The following LAMA2 variants were observed in gnomAD, a reference collection of about 807,000 sequenced individuals.
LAMA2 encodes the protein laminin subunit alpha 2.
A neutral mutation model predicts 364.8 loss-of-function variants in LAMA2; 269 were observed. That is an observed-to-expected ratio of 0.74 (90% CI 0.67 to 0.82). The LOEUF (loss-of-function observed/expected upper bound fraction) is 0.82. Ranked by LOEUF, LAMA2 falls within the 40% of genes least tolerant of loss-of-function variation. The pLI, the probability that LAMA2 is intolerant of heterozygous loss-of-function variation, is 0.00. For synonymous variants in LAMA2, 1,379 were observed against 1,370.6 expected (o/e 1.01, Z -0.14); for missense variants, 3,807 against 3,873.2 (o/e 0.98, Z 0.45).
intron 12 of LAMA2, among the ~76,000 whole-genome samples, chr6:129,225,857 G>C (rs1225954921): frequency 6.6e-6 from 1 of 152,112 alleles, no homozygotes; most frequent in Non-Finnish European, 1.5e-5. Flanking sequence ...GGTCCACTTG[G>C]TGCAGAGCTG....
chr6:129,181,097 C>A (rs899558693), intron 10 of LAMA2, among the ~76,000 whole-genome samples: 1 of 152,018 alleles, frequency 6.6e-6, no homozygotes, highest in Non-Finnish European at 1.5e-5. Context: ...TGTGTAGGAC[C>A]GAATCCCCAA....
chr6:129,352,059 C>T (rs1423928547), intron 31 of LAMA2, among the ~76,000 whole-genome samples: 1 of 152,176 alleles, frequency 6.6e-6, no homozygotes, highest in Non-Finnish European at 1.5e-5. Flanking sequence ...CTCTCAACTT[C>T]CTCACATACT....
At chr6:129,230,716 T>G (rs559593967) in intron 12 of LAMA2, among the ~76,000 whole-genome samples, 2 of 152,220 alleles carry the variant, frequency 1.3e-5, no homozygotes, top group African/African-American at 2.4e-5. Context: ...TACTATGAGT[T>G]TCTTCAGATG....
At chr6:129,482,829 G>C (rs9885712) in intron 55 of LAMA2, among the ~76,000 whole-genome samples, 1 of 152,098 alleles carries the variant, frequency 6.6e-6, no homozygotes, top group Non-Finnish European at 1.5e-5. Context: ...GGGAGGCCAA[G>C]GTGGGTAGAT....
intron 27 of LAMA2, among the ~76,000 whole-genome samples, chr6:129,319,276 ATTGAATGGGGAATGACCTT>A (rs1485130583): frequency 2.6e-5 from 4 of 152,218 alleles, no homozygotes; most frequent in South Asian, 4.1e-4. Context: ...GTACGAAATA[ATTGAATGGGGAATGACCTT>A]GGGTTGTCTG....
At chr6:129,497,330 C>T (rs142972246) in intron 58 of LAMA2, among the ~76,000 whole-genome samples, 1 of 152,234 alleles carries the variant, frequency 6.6e-6, no homozygotes, top group East Asian at 1.9e-4. Context: ...CTTAACCTCC[C>T]AGGCTCAGGC....
At chr6:129,420,443 T>A (rs1361847559) in intron 40 of LAMA2, among the ~76,000 whole-genome samples, 5 of 10,176 alleles carry the variant, frequency 4.9e-4, no homozygotes, top group Admixed American at 1.5e-3. Flanking sequence ...AAAATATTTT[T>A]AATTTAAAAT....
At chr6:129,158,257 G>C (rs1464533253) in intron 8 of LAMA2, 1 of 1,614,054 alleles carries the variant, frequency 6.2e-7, no homozygotes, top group Non-Finnish European at 8.5e-7. Flanking sequence ...ATGAAACCAA[G>C]TATGTTTTCA....
intron 1 of LAMA2, among the ~76,000 whole-genome samples, chr6:128,985,060 C>A: frequency 6.6e-6 from 1 of 152,070 alleles, no homozygotes; most frequent in Non-Finnish European, 1.5e-5. Flanking sequence ...AATACAGTGT[C>A]TGATAAGTAC....
rs538213957 is a variant in LAMA2, at chr6:129,250,196, C to G, written c.1867C>G (p.Leu623Val). The G allele has an allele frequency of 1.3e-6, 2 of 1,585,040 alleles. No homozygotes were observed. Among genetic ancestry groups the G allele is most frequent in the African/African-American group, 2.7e-5 (2 of 73,788 alleles). ...EEEDTERVLQLMIILEGNDLS... is the reference protein window; with the variant it reads ...EEEDTERVLQVMIILEGNDLS... ...AGAAGATACAGAACGTGTTCTCCAG[C>G]TTATGATTATCTTAGAGGTAGAGTA... The change falls in exon 13 of 65, where the codon CTT (leucine) becomes GTT (valine). Residue 623 changes from leucine (L) to valine (V), a missense_variant. Physicochemically the swap from Leu to Val is conservative, Grantham distance 32. Transcript: ENST00000421865.
Position 129,427,815 on chromosome 6 carries a change from A to G in LAMA2, c.5929A>G (p.Ile1977Val), listed in dbSNP as rs2114740795. ...AKGCLQKSFR[I>V]LNEAKKLAND... ...AGGCTGTCTTCAGAAAAGCTTCAGG[A>G]TTCTTAACGAAGCCAAGAAGTTAGC... The change falls in exon 41 of 65, where the codon ATT becomes GTT. Residue 1977 changes from isoleucine (I) to valine (V), a missense_variant. By Grantham distance (29) the Ile-to-Val change is conservative. Coordinates refer to ENST00000421865, the MANE Select transcript of LAMA2 (RefSeq NM_000426.4). 6.2e-7 allele frequency: 1 copy of G among 1,613,836 alleles called. No homozygotes were observed. The highest frequency in any genetic ancestry group is 1.3e-5 in the African/African-American group (1 of 75,036).
In LAMA2 at chr6:129,177,697, T is replaced by A. The variant is rs2115016025; in HGVS notation, c.1307-9T>A. 1 of 1,613,774 alleles carries A rather than the reference T, an allele frequency of 6.2e-7. No individual in the cohort carries two copies. The highest frequency in any genetic ancestry group is 1.7e-5 in the Admixed American group (1 of 59,936). ...TAGAAATGTTGATATGTGGCTCATC[T>A]TTCTTTAGGTTTGGCACCTGGATCC... On this transcript the variant is annotated splice_polypyrimidine_tract_variant and intron_variant, in intron 9 of 64. Transcript: ENST00000421865.
intron 1 of LAMA2, among the ~76,000 whole-genome samples, chr6:128,972,417 C>T (rs942690700): frequency 5.9e-5 from 9 of 152,242 alleles, no homozygotes; most frequent in Admixed American, 4.6e-4. Context: ...ATAATGTCTG[C>T]CTCATGCTTG....
intron 31 of LAMA2, among the ~76,000 whole-genome samples, chr6:129,352,358 C>T (rs1776898888): frequency 6.6e-6 from 1 of 152,140 alleles, no homozygotes; most frequent in African/African-American, 2.4e-5. Context: ...AGGGTTCATC[C>T]AGTTGGATTC....
chr6:129,301,035 G>C (rs1773519056), intron 22 of LAMA2, among the ~76,000 whole-genome samples, 163 bp downstream of exon 22: 1 of 152,116 alleles, frequency 6.6e-6, no homozygotes, highest in African/African-American at 2.4e-5. Context: ...CAGTTTACTT[G>C]TAGGAAAGAT....
In LAMA2 at chr6:129,514,522, G is replaced by A. The variant is rs201353206; in HGVS notation, c.9138G>A (p.Val3046=). 2 of 1,614,104 alleles carry A rather than the reference G, an allele frequency of 1.2e-6. No individual in the cohort carries two copies. The highest frequency in any genetic ancestry group is 2.2e-5 in the East Asian group (1 of 44,874). ...AGCTCACAGTCGATGGGAACCAGGTGGAAGCCCAAAGCCCAAACCCAGCAT... is the reference window on the plus strand; with the variant it reads ...AGCTCACAGTCGATGGGAACCAGGTAGAAGCCCAAAGCCCAAACCCAGCAT... ...RIELTVDGNQ[V]EAQSPNPAST... Residue 3046 remains valine (V), a synonymous_variant, in exon 64 of 65, where the codon GTG becomes GTA. Transcript: ENST00000421865.
Position 129,383,135 on chromosome 6 carries a change from C to T in LAMA2, c.4973C>T (p.Thr1658Ile), listed in dbSNP as rs757751668. ...NELLTRATKV[T>I]ADGEQTGQDA... ...TTGGATCATTAGGCTACCAAAGTGA[C>T]AGCAGATGGCGAGCAGACCGGACAG... The change falls in exon 35 of 65, where the codon ACA becomes ATA. Residue 1658 changes from threonine to isoleucine, a missense_variant. Coordinates refer to ENST00000421865, the MANE Select transcript of LAMA2 (RefSeq NM_000426.4). The T allele has an allele frequency of 1.9e-6, 3 of 1,613,572 alleles. No individual in the cohort carries two copies. Among genetic ancestry groups the T allele is most frequent in the African/African-American group, 1.3e-5 (1 of 75,020 alleles).
chr6:129,403,804 T>C lies in LAMA2; in HGVS notation c.5727-17T>C, dbSNP rs1780103964. 2 of 1,611,740 alleles carry C rather than the reference T, an allele frequency of 1.2e-6. No homozygotes were observed. Among genetic ancestry groups the C allele is most frequent in the Non-Finnish European group, 1.7e-6 (2 of 1,178,424 alleles). The stretch of plus-strand genomic sequence containing the variant: ...CATTGAGTGCCCTGACATTCCTTTT[T>C]TGAATCATCCCACCAGAATCCTTGA... On this transcript the variant is annotated splice_polypyrimidine_tract_variant and intron_variant, in intron 39 of 64. Coordinates refer to ENST00000421865, the MANE Select transcript of LAMA2 (RefSeq NM_000426.4).
chr6:129,373,146 C>T (rs1778182499), intron 34 of LAMA2, among the ~76,000 whole-genome samples: 1 of 152,088 alleles, frequency 6.6e-6, no homozygotes, highest in Non-Finnish European at 1.5e-5. Context: ...TAACGAAGCC[C>T]AGCTTATCAA....
Sources: gnomAD v4.1 joint callset for allele counts (sites outside exome capture counted in the v4.1 genomes callset) on GRCh38, gnomAD v4.1.1 for gene constraint, MANE v1.5 for transcripts, NCBI Gene and HGNC (gene_info 2026-07-23, HGNC 2026-07-21) for gene names.